Variants in PRKCE observed in about 807,000 individuals in gnomAD.
The protein encoded by PRKCE is protein kinase C epsilon type.
PRKCE carries 16 observed loss-of-function variants against 85.4 expected under a neutral mutation model. The observed-to-expected ratio is 0.19, with a 90% CI of 0.13 to 0.28. The LOEUF (loss-of-function observed/expected upper bound fraction) is 0.28. Among genes scored for constraint, PRKCE ranks in the 10% least tolerant of loss-of-function variants. The probability of loss-of-function intolerance (pLI) is 1.00; values close to 1 mark genes in which losing one functional copy is unlikely to be tolerated. For synonymous variants in PRKCE, 388 were observed against 371.5 expected, an observed-to-expected ratio of 1.04 and a Z score of -0.51; for missense variants, 573 against 975.2, an observed-to-expected ratio of 0.59 and a Z score of 5.49.
Position 46,010,327 on chromosome 2 carries a change from CAATT to C in PRKCE, c.1264-16_1264-13del. On this transcript the variant is annotated splice_polypyrimidine_tract_variant and intron_variant, in intron 9 of 14. Coordinates refer to ENST00000306156, the MANE Select transcript of PRKCE (RefSeq NM_005400.3). ...CCATACATGCATAGATTGATGGAGG[CAATT>C]GATTGATTGCAGGTCATGTTGGCAG... 1 of 1,580,682 alleles carries C rather than the reference CAATT, an allele frequency of 6.3e-7. No individual in the cohort carries two copies. Among genetic ancestry groups the C allele is most frequent in the Non-Finnish European group, 8.6e-7 (1 of 1,166,574 alleles).
intron 1 of PRKCE, among the ~76,000 whole-genome samples, chr2:45,795,749 G>A (rs113137510): frequency 0.032 from 4,799 of 152,256 alleles, 264 homozygotes; most frequent in African/African-American, 0.11. Context: ...TGCTTCCTGG[G>A]ATTGGCCACT....
chr2:45,841,052 A>G (rs1458935227), intron 1 of PRKCE, among the ~76,000 whole-genome samples: 2 of 152,106 alleles, frequency 1.3e-5, no homozygotes, highest in African/African-American at 4.8e-5. Context: ...TTCCTAAGAG[A>G]CAGTGAGCTA....
At chr2:45,775,024 A>G (rs902556378) in intron 1 of PRKCE, among the ~76,000 whole-genome samples, 2 of 152,148 alleles carry the variant, frequency 1.3e-5, no homozygotes, top group Non-Finnish European at 2.9e-5. Context: ...TGCCTTCTGG[A>G]TGATCTCCTC....
At chr2:46,107,384 T>G (rs1399785818) in intron 11 of PRKCE, among the ~76,000 whole-genome samples, 2 of 152,234 alleles carry the variant, frequency 1.3e-5, no homozygotes, top group Non-Finnish European at 2.9e-5. Context: ...GGCTCATGCC[T>G]GTAATCCCAG....
At chr2:45,914,692 T>C (rs966192531) in intron 2 of PRKCE, among the ~76,000 whole-genome samples, 1 of 152,192 alleles carries the variant, frequency 6.6e-6, no homozygotes, top group African/African-American at 2.4e-5. Context: ...ATAATCTGAT[T>C]AGAAATTTTA....
At chr2:45,831,334 A>G (rs1690406184) in intron 1 of PRKCE, among the ~76,000 whole-genome samples, 2 of 152,266 alleles carry the variant, frequency 1.3e-5, no homozygotes, top group African/African-American at 4.8e-5. Context: ...AACTATGGTT[A>G]GAGAACAGAA....
In PRKCE at chr2:46,155,854, C is replaced by A. The variant is rs1176156604; in HGVS notation, c.1921-3752C>A. On this transcript the variant is annotated intron_variant, in intron 13 of 14. Coordinates refer to ENST00000306156, the MANE Select transcript of PRKCE (RefSeq NM_005400.3). This position sits in a 1 kb window ranked among gnomAD's most constrained non-coding sequence, Gnocchi z 4.7. ...CCTCTCCCTTGGTGAACTGCAGGACCTCCTAACGGGCAGCCCTTCTTGTGT... is the reference window on the plus strand; with the variant it reads ...CCTCTCCCTTGGTGAACTGCAGGACATCCTAACGGGCAGCCCTTCTTGTGT... Among the ~76,000 whole-genome samples the A allele has an allele frequency of 2.6e-5, 4 of 152,144 alleles. No individual in the cohort carries two copies. The highest frequency in any genetic ancestry group is 9.7e-5 in the African/African-American group (4 of 41,428).
chr2:45,788,122 A>T (rs1016032099), intron 1 of PRKCE, among the ~76,000 whole-genome samples: 2 of 152,182 alleles, frequency 1.3e-5, no homozygotes, highest in Non-Finnish European at 2.9e-5. Flanking sequence ...TTTTCCTGCC[A>T]AAGTGTCTCC....
intron 10 of PRKCE, among the ~76,000 whole-genome samples, chr2:46,038,171 G>T (rs931468326): frequency 6.6e-6 from 1 of 151,910 alleles, no homozygotes; most frequent in Non-Finnish European, 1.5e-5. Context: ...TATAGTCTTG[G>T]TATAATTTTA....
chr2:46,131,803 T>A (rs1328021466), intron 11 of PRKCE, among the ~76,000 whole-genome samples: 2 of 152,228 alleles, frequency 1.3e-5, no homozygotes, highest in African/African-American at 4.8e-5. Flanking sequence ...GAGTTATTGC[T>A]TGCTTTCTTT....
chr2:45,843,199 T>G, intron 2 of PRKCE, 136 bp downstream of exon 2: 1 of 806,888 alleles, frequency 1.2e-6, no homozygotes. Context: ...AAAAGGTTAT[T>G]TTGAAGATGC....
chr2:45,753,082 A>C (rs1296835222), intron 1 of PRKCE, among the ~76,000 whole-genome samples: 2 of 152,076 alleles, frequency 1.3e-5, no homozygotes, highest in Non-Finnish European at 2.9e-5. Flanking sequence ...GGCAGAGTTT[A>C]TCTGAGTAGG....
chr2:45,913,331 G>A (rs1026983455), intron 2 of PRKCE, among the ~76,000 whole-genome samples: 1 of 152,166 alleles, frequency 6.6e-6, no homozygotes, highest in Non-Finnish European at 1.5e-5. Context: ...TATCTTTTTT[G>A]TAGAGACAAG....
intron 1 of PRKCE, among the ~76,000 whole-genome samples, chr2:45,820,918 C>T (rs1319321921): frequency 6.7e-6 from 1 of 148,610 alleles, no homozygotes; most frequent in Non-Finnish European, 1.5e-5. Context: ...TGGCAACAAA[C>T]TGCAATCTTA....
chr2:45,739,236 C>T (rs1682345815), intron 1 of PRKCE, among the ~76,000 whole-genome samples: 1 of 152,236 alleles, frequency 6.6e-6, no homozygotes, highest in Non-Finnish European at 1.5e-5. Flanking sequence ...CTTTGGTCCA[C>T]TGCTGTGGCT....
intron 6 of PRKCE, among the ~76,000 whole-genome samples, chr2:45,999,795 G>A (rs1433158506): frequency 2.6e-5 from 4 of 152,008 alleles, no homozygotes; most frequent in South Asian, 2.1e-4. Context: ...ATTTTTTCCA[G>A]TCTTTGTTCT....
intron 11 of PRKCE, among the ~76,000 whole-genome samples, chr2:46,101,888 A>T (rs940037690): frequency 6.8e-6 from 1 of 147,518 alleles, no homozygotes; most frequent in African/African-American, 2.5e-5. Flanking sequence ...AAAAAACCCA[A>T]AACCCTGATT....
At position 45,786,272 on chromosome 2, in the gene PRKCE, C is replaced by T. The variant is rs1686596907; in HGVS notation, c.349-56728C>T. ...GCCTGTCCAGCGTCTCTGTGTCTCC[C>T]TGGCCTGGCCACACAGTAGAATTCA... is the stretch of plus-strand genomic sequence containing the variant. On this transcript the variant is annotated intron_variant, in intron 1 of 14. Transcript: ENST00000306156. The surrounding 1 kb of genome is among the most constrained non-coding windows in gnomAD (Gnocchi z 5.3). 6.6e-6 allele frequency among the ~76,000 whole-genome samples: 1 copy of T among 152,190 alleles called. No homozygotes were observed. Among genetic ancestry groups the T allele is most frequent in the South Asian group, 2.1e-4 (1 of 4,820 alleles).
intron 14 of PRKCE, among the ~76,000 whole-genome samples, chr2:46,162,527 T>G (rs1677878641): frequency 6.6e-6 from 1 of 152,064 alleles, no homozygotes. Context: ...TTAACCTCAA[T>G]GCTCAGTGCT....
Sources: gnomAD v4.1 joint callset for allele counts (sites outside exome capture counted in the v4.1 genomes callset) on GRCh38, gnomAD v4.1.1 for gene constraint, Gnocchi (gnomAD v3.1) non-coding constraint, MANE v1.5 for transcripts, NCBI Gene and HGNC (gene_info 2026-07-23, HGNC 2026-07-21) for gene names.